Variants in NDST4 observed in about 807,000 individuals in gnomAD.
The protein encoded by NDST4 is N-deacetylase and N-sulfotransferase 4, also known as N-heparan sulfate sulfotransferase 4.
Under a neutral mutation model 100.8 loss-of-function variants are expected in NDST4, and 63 were observed. That is an observed-to-expected ratio of 0.62 (90% CI 0.51 to 0.77). NDST4 has a LOEUF of 0.77. Ranked by LOEUF, NDST4 falls within the 30% of genes least tolerant of loss-of-function variation. The pLI, the probability that NDST4 is intolerant of heterozygous loss-of-function variation, is 0.00. For synonymous variants in NDST4, 377 were observed against 361.8 expected (o/e 1.04, Z -0.48); for missense variants, 943 against 1,018.4 (o/e 0.93, Z 1.01).
chr4:115,039,598 T>G (rs1049765300), intron 2 of NDST4, among the ~76,000 whole-genome samples: 40 of 152,194 alleles, frequency 2.6e-4, no homozygotes, highest in African/African-American at 9.6e-4. Context: ...GTAAACCACT[T>G]AACTCATTTA....
chr4:114,838,119 A>G (rs1723341695), intron 11 of NDST4, among the ~76,000 whole-genome samples: 1 of 152,242 alleles, frequency 6.6e-6, no homozygotes, highest in South Asian at 2.1e-4. Flanking sequence ...CCACAATGAG[A>G]TACCATCTCA....
At chr4:114,943,857 A>G (rs948642293) in intron 4 of NDST4, among the ~76,000 whole-genome samples, 2 of 152,176 alleles carry the variant, frequency 1.3e-5, no homozygotes, top group African/African-American at 4.8e-5. Context: ...AGATGAGTTA[A>G]GAATTCCTCT....
chr4:114,861,078 CT>C (rs1723908994), intron 7 of NDST4, among the ~76,000 whole-genome samples: 1 of 152,222 alleles, frequency 6.6e-6, no homozygotes, highest in Non-Finnish European at 1.5e-5. Flanking sequence ...GTATTCACTA[CT>C]GTAGAAATTC....
Position 114,964,919 on chromosome 4 carries a change from G to A in NDST4, c.1221+5511C>T, listed in dbSNP as rs540843474. On this transcript the variant is annotated intron_variant, in intron 4 of 13. Coordinates refer to ENST00000264363, the MANE Select transcript of NDST4 (RefSeq NM_022569.3). ...CCACAAGGTTCATCCATGTTGTCAC[G>A]TGTTACAGAATTTCCTTCTTTTTTC... 2.1e-4 allele frequency among the ~76,000 whole-genome samples: 32 copies of A among 150,968 alleles called. 2 individuals are homozygous for A. In the South Asian group the frequency reaches 5.8e-3, roughly 27 times the overall value.
chr4:114,991,473 G>A (rs1318906309), intron 2 of NDST4, among the ~76,000 whole-genome samples: 1 of 151,936 alleles, frequency 6.6e-6, no homozygotes, highest in African/African-American at 2.4e-5. Context: ...TAAATATTTT[G>A]AAGAACTATT....
Position 115,076,298 on chromosome 4 carries a change from A to G in NDST4, c.739T>C (p.Leu247=). ...ELQTEKSLSS[L]SSKTLFATVI... is the part of the protein sequence containing the mutation. ...GTTGCAAAGAGTGTTTTGCTAGACAAGGATGACAGGGATTTTTCTGTCTGT... is the reference window on the plus strand; with the variant it reads ...GTTGCAAAGAGTGTTTTGCTAGACAGGGATGACAGGGATTTTTCTGTCTGT... Residue 247 remains leucine, a synonymous_variant, in exon 2 of 14, where the codon TTG becomes CTG. Transcript: ENST00000264363. The G allele has an allele frequency of 6.2e-7, 1 of 1,614,010 alleles. No homozygotes were observed. Among genetic ancestry groups the G allele is most frequent in the African/African-American group, 1.3e-5 (1 of 75,066 alleles).
At chr4:114,966,731 C>A (rs550540933) in intron 4 of NDST4, among the ~76,000 whole-genome samples, 2 of 152,112 alleles carry the variant, frequency 1.3e-5, no homozygotes, top group Non-Finnish European at 1.5e-5. Flanking sequence ...TGCTTCAATT[C>A]CAGCTAGATA....
In NDST4 at chr4:115,033,152, T is replaced by G. The variant is rs1401386926; in HGVS notation, c.978+42907A>C. Among the ~76,000 whole-genome samples, 4 of 103,212 alleles carry G rather than the reference T, an allele frequency of 3.9e-5. No homozygotes were observed. The East Asian group carries it at 1.5e-3, about 38-fold the overall frequency. The allele number at this position is 103,212 out of a possible 152,430, so 67.7% of individuals were successfully genotyped here. On this transcript the variant is annotated intron_variant, in intron 2 of 13. Transcript: ENST00000264363. ...ATGTGTATATATATATATATATATA[T>G]ATATATTTTTTTTTTTTTTGAAACA...
At chr4:115,037,480 C>T (rs920727983) in intron 2 of NDST4, among the ~76,000 whole-genome samples, 1 of 152,050 alleles carries the variant, frequency 6.6e-6, no homozygotes, top group African/African-American at 2.4e-5. Flanking sequence ...ACATTTCTGT[C>T]TATACATCAC....
At chr4:115,021,885 G>A (rs918570393) in intron 2 of NDST4, among the ~76,000 whole-genome samples, 2 of 144,804 alleles carry the variant, frequency 1.4e-5, no homozygotes, top group African/African-American at 2.8e-5. Flanking sequence ...ATATATATAC[G>A]TTCCACAGCT....
At chr4:114,904,900 A>G (rs1026402220) in intron 6 of NDST4, among the ~76,000 whole-genome samples, 6 of 151,990 alleles carry the variant, frequency 3.9e-5, no homozygotes, top group Non-Finnish European at 5.9e-5. Context: ...TACAATCCAC[A>G]ATTAAAGACT....
At chr4:115,101,303 A>AT (rs1433339628) in intron 1 of NDST4, among the ~76,000 whole-genome samples, 1 of 152,120 alleles carries the variant, frequency 6.6e-6, no homozygotes, top group African/African-American at 2.4e-5. Context: ...ATAATATATC[A>AT]TTTTTGAAAA....
intron 7 of NDST4, among the ~76,000 whole-genome samples, chr4:114,867,665 CAA>C: frequency 0.082 from 6,533 of 79,752 alleles, 142 homozygotes; most frequent in East Asian, 0.16. Context: ...AAAAAAAAAG[CAA>C]AAAAAAAAAA....
At chr4:114,982,257 G>A (rs1170517099) in intron 2 of NDST4, among the ~76,000 whole-genome samples, 1 of 152,208 alleles carries the variant, frequency 6.6e-6, no homozygotes, top group Non-Finnish European at 1.5e-5. Flanking sequence ...GAAGATGTGG[G>A]AAAGGTTGGA....
chr4:115,036,282 T>C (rs950455052), intron 2 of NDST4, among the ~76,000 whole-genome samples: 5 of 151,450 alleles, frequency 3.3e-5, no homozygotes, highest in Non-Finnish European at 7.4e-5. Context: ...GAATCTCATT[T>C]TTCTGTTCAC....
intron 6 of NDST4, among the ~76,000 whole-genome samples, chr4:114,897,574 G>C (rs1269823231): frequency 6.6e-6 from 1 of 152,112 alleles, no homozygotes; most frequent in African/African-American, 2.4e-5. Flanking sequence ...AAAATTTTCA[G>C]CTTTCACTGG....
chr4:114,911,262 C>T (rs959176382), intron 6 of NDST4, among the ~76,000 whole-genome samples: 3 of 152,124 alleles, frequency 2.0e-5, no homozygotes, highest in Admixed American at 1.3e-4. Context: ...CCTCAGCCAA[C>T]CAGACCTCTG....
chr4:115,035,024 T>G (rs1007590267), intron 2 of NDST4, among the ~76,000 whole-genome samples: 1 of 152,136 alleles, frequency 6.6e-6, no homozygotes, highest in Non-Finnish European at 1.5e-5. Context: ...ATTTCTTGCA[T>G]GTCTAATACC....
intron 1 of NDST4, among the ~76,000 whole-genome samples, chr4:115,112,094 C>T (rs1026189822): frequency 2.0e-5 from 3 of 151,362 alleles, no homozygotes; most frequent in Admixed American, 6.6e-5. Flanking sequence ...CACACACACA[C>T]GCACACACTC....
Sources: allele counts gnomAD v4.1 joint callset (sites outside exome capture counted in the v4.1 genomes callset), GRCh38; gene constraint gnomAD v4.1.1; transcripts MANE v1.5; gene names NCBI Gene and HGNC (gene_info 2026-07-23, HGNC 2026-07-21).